The following SDK1 variants were observed in gnomAD, a reference collection of about 807,000 sequenced individuals.
The protein encoded by SDK1 is sidekick cell adhesion molecule 1, also known as protein sidekick-1.
In SDK1, 157 loss-of-function variants were observed where a neutral mutation model predicts 245.5. The observed-to-expected ratio is 0.64, with a 90% CI of 0.56 to 0.73. The LOEUF is 0.73. Ranked by LOEUF, SDK1 falls within the 30% of genes least tolerant of loss-of-function variation. The pLI is 0.00. For synonymous variants in SDK1, 1,647 were observed against 1,278.5 expected (o/e 1.29, Z -6.15); for missense variants, 3,583 against 3,002.3 (o/e 1.19, Z -4.52).
At chr7:3,583,706 C>T (rs1309409125) in intron 1 of SDK1, among the ~76,000 whole-genome samples, 4 of 151,988 alleles carry the variant, frequency 2.6e-5, no homozygotes, top group Non-Finnish European at 4.4e-5. Context: ...CCAGGTGCCC[C>T]CTGAGAGGCA....
intron 19 of SDK1, among the ~76,000 whole-genome samples, chr7:4,055,913 C>T (rs903377019): frequency 1.3e-5 from 2 of 152,100 alleles, no homozygotes; most frequent in Admixed American, 1.3e-4. Flanking sequence ...GTGTGCTGTT[C>T]ATTTTCCATG....
intron 1 of SDK1, among the ~76,000 whole-genome samples, chr7:3,399,191 T>C (rs1159951498): frequency 6.6e-6 from 1 of 152,094 alleles, no homozygotes; most frequent in African/African-American, 2.4e-5. Flanking sequence ...TCTCAATGTA[T>C]CTTTGAATTT....
intron 4 of SDK1, among the ~76,000 whole-genome samples, chr7:3,680,243 C>T (rs921372665): frequency 6.6e-6 from 1 of 152,088 alleles, no homozygotes; most frequent in African/African-American, 2.4e-5. Flanking sequence ...CTCAAAATGA[C>T]TCAATTACGG....
In SDK1 at chr7:3,838,492, G is replaced by A. The variant is rs562489118; in HGVS notation, c.847+16909G>A. Among the ~76,000 whole-genome samples, 5 of 152,328 alleles carry A rather than the reference G, an allele frequency of 3.3e-5. No homozygotes were observed. In the East Asian group the frequency reaches 9.6e-4, roughly 29 times the overall value. On this transcript the variant is annotated intron_variant, in intron 5 of 44. Coordinates refer to ENST00000404826, the MANE Select transcript of SDK1 (RefSeq NM_152744.4). ...TCATCCTGGCAAAGGGGAGCACAAG[G>A]CTGGAGTCAGCAGGTGCCTCTCTGT... is the stretch of plus-strand genomic sequence containing the variant.
intron 5 of SDK1, among the ~76,000 whole-genome samples, chr7:3,854,757 C>G (rs763262331): frequency 2.0e-5 from 3 of 152,054 alleles, no homozygotes; most frequent in African/African-American, 7.2e-5. Flanking sequence ...CCTTCTGCAG[C>G]CACTCCTTCT....
At chr7:4,171,318 G>T (rs1026764004) in intron 32 of SDK1, among the ~76,000 whole-genome samples, 2 of 152,200 alleles carry the variant, frequency 1.3e-5, no homozygotes, top group Admixed American at 6.5e-5. Flanking sequence ...TACTGGAGGC[G>T]CTTTGAAAAG....
chr7:3,589,370 G>T (rs571588490), intron 1 of SDK1, among the ~76,000 whole-genome samples: 19 of 152,324 alleles, frequency 1.2e-4, no homozygotes, highest in Admixed American at 2.6e-4. Context: ...TTCACAGGTG[G>T]TGTGGGTCTT....
chr7:3,679,887 A>T (rs6967202), intron 4 of SDK1, among the ~76,000 whole-genome samples: 125,686 of 152,212 alleles, frequency 0.83, 52,047 homozygotes, highest in Non-Finnish European at 0.86. Flanking sequence ...ATATGACCCT[A>T]TCGGTCACAC....
At chr7:4,079,632 T>C in intron 22 of SDK1, 48 bp downstream of exon 22, 1 of 1,607,598 alleles carries the variant, frequency 6.2e-7, no homozygotes, top group South Asian at 1.1e-5. Context: ...AGAGCAGTGT[T>C]GGGGCCTGTG....
intron 22 of SDK1, among the ~76,000 whole-genome samples, chr7:4,090,025 G>A (rs1781685327): frequency 6.6e-6 from 1 of 152,176 alleles, no homozygotes; most frequent in Non-Finnish European, 1.5e-5. Context: ...AGTGTCTTTA[G>A]GAGTCGTCCT....
chr7:4,158,429 G>A lies in SDK1; in HGVS notation c.4626-19G>A, dbSNP rs368284756. ...AGGGTGGCAGGGCCCCGGCAGTCAC[G>A]GTCTCTTCCACATTGCAGACTGAGG... On this transcript the variant is annotated intron_variant, in intron 30 of 44. Coordinates refer to ENST00000404826, the MANE Select transcript of SDK1 (RefSeq NM_152744.4). 52 of 1,602,342 alleles carry A rather than the reference G, an allele frequency of 3.2e-5. No individual in the cohort carries two copies. The highest frequency in any genetic ancestry group is 8.9e-5 in the East Asian group (4 of 44,830).
At chr7:3,563,908 A>C (rs1583170204) in intron 1 of SDK1, among the ~76,000 whole-genome samples, 1 of 152,132 alleles carries the variant, frequency 6.6e-6, no homozygotes, top group African/African-American at 2.4e-5. Flanking sequence ...CCTAACTCCC[A>C]AAAAACCGCT....
At chr7:3,928,320 C>G (rs1317120326) in intron 5 of SDK1, among the ~76,000 whole-genome samples, 1 of 152,012 alleles carries the variant, frequency 6.6e-6, no homozygotes, top group Non-Finnish European at 1.5e-5. Flanking sequence ...ATAAAATTCC[C>G]CACAGTGAGC....
chr7:4,143,441 G>C (rs1448155525), intron 28 of SDK1, among the ~76,000 whole-genome samples: 1 of 152,124 alleles, frequency 6.6e-6, no homozygotes, highest in Non-Finnish European at 1.5e-5. Flanking sequence ...ACCACCGTGA[G>C]CCCCCAGAGC....
intron 1 of SDK1, among the ~76,000 whole-genome samples, chr7:3,310,808 A>G (rs922148001): frequency 6.6e-6 from 1 of 152,186 alleles, no homozygotes; most frequent in African/African-American, 2.4e-5. Context: ...AACAAAGTTA[A>G]CCACTTGCTA....
chr7:4,184,041 C>G (rs996570492), intron 35 of SDK1, among the ~76,000 whole-genome samples: 1 of 152,226 alleles, frequency 6.6e-6, no homozygotes, highest in Non-Finnish European at 1.5e-5. Context: ...AGCCAGTTCG[C>G]CATTCCCTTT....
At chr7:3,671,341 G>T (rs926593324) in intron 4 of SDK1, among the ~76,000 whole-genome samples, 2 of 152,164 alleles carry the variant, frequency 1.3e-5, no homozygotes, top group Admixed American at 1.3e-4. Flanking sequence ...GCCCATCAGG[G>T]ACATTTTTTA....
chr7:4,207,853 A>G (rs1038006845), intron 36 of SDK1, among the ~76,000 whole-genome samples: 57 of 152,166 alleles, frequency 3.7e-4, no homozygotes, highest in Non-Finnish European at 7.3e-4. Context: ...CTCATACTCT[A>G]GGTGAGCAAC....
chr7:3,804,641 C>G (rs1779194593), intron 4 of SDK1, among the ~76,000 whole-genome samples: 1 of 152,318 alleles, frequency 6.6e-6, no homozygotes, highest in South Asian at 2.1e-4. Context: ...ACACGTAGGC[C>G]TGTTCGGACA....
Sources: gnomAD v4.1 joint callset for allele counts (sites outside exome capture counted in the v4.1 genomes callset) on GRCh38, gnomAD v4.1.1 for gene constraint, MANE v1.5 for transcripts, NCBI Gene and HGNC (gene_info 2026-07-23, HGNC 2026-07-21) for gene names.